Variants in NPSR1 observed in about 807,000 individuals in gnomAD.
NPSR1 encodes neuropeptide S receptor 1.
NPSR1 carries 48 observed loss-of-function variants against 46.9 expected under a neutral mutation model. The observed-to-expected ratio is 1.02, with a 90% CI of 0.81 to 1.30. The LOEUF (loss-of-function observed/expected upper bound fraction) is 1.30, where lower values mean the gene tolerates loss of function less well. NPSR1 is among the 50% of genes most tolerant of loss of function. The probability of loss-of-function intolerance (pLI) is 0.00; values close to 1 mark genes in which losing one functional copy is unlikely to be tolerated. For synonymous variants in NPSR1, 176 were observed against 168.1 expected, an observed-to-expected ratio of 1.05 and a Z score of -0.36; for missense variants, 450 against 449.5, an observed-to-expected ratio of 1.00 and a Z score of -0.01.
rs1218831575 is a variant in NPSR1 at position 34,827,818 on chromosome 7, T to C, written c.680+216T>C. On this transcript the variant is annotated intron_variant, in intron 5 of 8. Coordinates refer to ENST00000360581, the MANE Select transcript of NPSR1 (RefSeq NM_207172.2). The stretch of plus-strand genomic sequence containing the variant: ...AGGGAATTAACAATTACTGGGTATA[T>C]AGGGCAGGCATTGTGCTAAATAGCT... Among the ~76,000 whole-genome samples the C allele has an allele frequency of 7.2e-5, 11 of 152,300 alleles. No homozygotes were observed. In the East Asian group the frequency reaches 2.1e-3, roughly 29 times the overall value.
intron 8 of NPSR1, among the ~76,000 whole-genome samples, chr7:34,867,146 G>A (rs2128769164): frequency 6.6e-6 from 1 of 151,814 alleles, no homozygotes; most frequent in East Asian, 1.9e-4. Context: ...CATCATCAAA[G>A]CCAATGAATG....
chr7:34,848,288 A>G (rs2128764955), intron 7 of NPSR1, among the ~76,000 whole-genome samples, 195 bp from the exon 8 acceptor site: 1 of 152,342 alleles, frequency 6.6e-6, no homozygotes, highest in East Asian at 1.9e-4. Context: ...ACATGTCTGT[A>G]AGATGTGTCC....
intron 2 of NPSR1, among the ~76,000 whole-genome samples, chr7:34,771,202 A>T (rs996625034): frequency 6.6e-6 from 1 of 152,172 alleles, no homozygotes; most frequent in Non-Finnish European, 1.5e-5. Context: ...TGAGAGGTTG[A>T]AGTGAGTGGA....
intron 8 of NPSR1, among the ~76,000 whole-genome samples, chr7:34,859,623 T>C (rs10235648): frequency 0.28 from 42,249 of 151,340 alleles, 6,476 homozygotes; most frequent in Middle Eastern, 0.35. Flanking sequence ...GGGCAAAGAG[T>C]GTAACTCAAA....
At chr7:34,688,020 A>G (rs568672771) in intron 2 of NPSR1, among the ~76,000 whole-genome samples, 1 of 152,336 alleles carries the variant, frequency 6.6e-6, no homozygotes, top group African/African-American at 2.4e-5. Context: ...TTAATTTGCC[A>G]AAGCATACTG....
intron 2 of NPSR1, 67 bp downstream of exon 2, chr7:34,684,751 T>C (rs2128684597): frequency 1.5e-6 from 2 of 1,314,172 alleles, no homozygotes; most frequent in East Asian, 2.7e-5. Flanking sequence ...CTGCTTTTAA[T>C]GAATTTTATC....
At chr7:34,861,248 C>G (rs1025688207) in intron 8 of NPSR1, among the ~76,000 whole-genome samples, 1 of 151,942 alleles carries the variant, frequency 6.6e-6, no homozygotes, top group African/African-American at 2.4e-5. Context: ...TGAGTTTGAG[C>G]AACAAACAGC....
intron 2 of NPSR1, among the ~76,000 whole-genome samples, chr7:34,767,013 T>C (rs1449187266): frequency 6.6e-6 from 1 of 152,230 alleles, no homozygotes; most frequent in Non-Finnish European, 1.5e-5. Context: ...GGAGTGTGGC[T>C]ATAAAGGGAT....
At chr7:34,873,709 C>T (rs566442066) in intron 8 of NPSR1, among the ~76,000 whole-genome samples, 1 of 151,842 alleles carries the variant, frequency 6.6e-6, no homozygotes, top group South Asian at 2.1e-4. Flanking sequence ...CAGGCCACCA[C>T]CTCCAACATT....
chr7:34,874,377 C>A (rs1288618895), intron 8 of NPSR1, among the ~76,000 whole-genome samples: 1 of 152,128 alleles, frequency 6.6e-6, no homozygotes, highest in Non-Finnish European at 1.5e-5. Context: ...CTAAGATTCA[C>A]CCTACCATCA....
chr7:34,668,106 C>T (rs438778), intron 1 of NPSR1, among the ~76,000 whole-genome samples: 16,353 of 152,056 alleles, frequency 0.11, 956 homozygotes, highest in African/African-American at 0.15. Flanking sequence ...GGGCTACAGC[C>T]ACGATTCACC....
chr7:34,857,998 T>C (rs868105925), intron 8 of NPSR1, among the ~76,000 whole-genome samples: 4 of 151,844 alleles, frequency 2.6e-5, no homozygotes, highest in Admixed American at 6.5e-5. Flanking sequence ...CAATGATATA[T>C]GAGTATGCAT....
chr7:34,818,498 G>A (rs1051212668), intron 4 of NPSR1, among the ~76,000 whole-genome samples: 1 of 152,078 alleles, frequency 6.6e-6, no homozygotes, highest in Non-Finnish European at 1.5e-5. Context: ...ACTGCCCAAG[G>A]TATTTTATAG....
chr7:34,764,444 G>T (rs915072232), intron 2 of NPSR1, among the ~76,000 whole-genome samples: 6 of 152,114 alleles, frequency 3.9e-5, no homozygotes, highest in Non-Finnish European at 4.4e-5. Context: ...AGTTTTATTG[G>T]ATTACAGCCA....
At chr7:34,786,586 G>A (rs551587095) in intron 3 of NPSR1, among the ~76,000 whole-genome samples, 1 of 152,260 alleles carries the variant, frequency 6.6e-6, no homozygotes, top group Admixed American at 6.5e-5. Flanking sequence ...TGATCCAGCA[G>A]AGGAATTACT....
At chr7:34,791,208 T>G (rs1186779779) in intron 3 of NPSR1, among the ~76,000 whole-genome samples, 1 of 78,122 alleles carries the variant, frequency 1.3e-5, no homozygotes, top group East Asian at 3.3e-4. Flanking sequence ...TATATTATAT[T>G]ATATATGTTA....
chr7:34,684,491 T>C, intron 1 of NPSR1, 61 bp from the exon 2 acceptor site: 1 of 1,554,640 alleles, frequency 6.4e-7, no homozygotes, highest in Non-Finnish European at 8.7e-7. Context: ...GGGGCAGGCA[T>C]TCTGTAAAGA....
At chr7:34,674,477 A>G (rs1385237592) in intron 1 of NPSR1, among the ~76,000 whole-genome samples, 1 of 152,236 alleles carries the variant, frequency 6.6e-6, no homozygotes, top group African/African-American at 2.4e-5. Flanking sequence ...AGTAGGCCTC[A>G]GAGCCTGGTG....
At chr7:34,869,291 C>T (rs760095685) in intron 8 of NPSR1, among the ~76,000 whole-genome samples, 1 of 151,688 alleles carries the variant, frequency 6.6e-6, no homozygotes, top group Non-Finnish European at 1.5e-5. Flanking sequence ...AGTGAAACAA[C>T]AAAACAATTC....
Sources: gnomAD v4.1 joint callset for allele counts (sites outside exome capture counted in the v4.1 genomes callset) on GRCh38, gnomAD v4.1.1 for gene constraint, MANE v1.5 for transcripts, NCBI Gene and HGNC (gene_info 2026-07-23, HGNC 2026-07-21) for gene names.